BCAS3: variants seen among roughly 807,000 people sequenced by gnomAD.
The protein encoded by BCAS3 is BCAS4/BCAS3 fusion.
Under a neutral mutation model 116.1 loss-of-function variants are expected in BCAS3, and 53 were observed. The ratio of observed to expected loss-of-function variants is 0.46; its 90% confidence interval spans 0.37 to 0.57. The LOEUF (loss-of-function observed/expected upper bound fraction) is 0.57, where lower values mean the gene tolerates loss of function less well. Ranked by LOEUF, BCAS3 falls within the 20% of genes least tolerant of loss-of-function variation. BCAS3 has a pLI of 0.00. For synonymous variants in BCAS3, 391 were observed against 408.2 expected (o/e 0.96, Z 0.51); for missense variants, 917 against 1,165.4 (o/e 0.79, Z 3.10).
At chr17:61,301,223 A>C (rs1051524932) in intron 22 of BCAS3, among the ~76,000 whole-genome samples, 1 of 152,230 alleles carries the variant, frequency 6.6e-6, no homozygotes, top group African/African-American at 2.4e-5. Context: ...AGCAGAATTG[A>C]ATAGCTGGCC....
At position 61,137,949 on chromosome 17, in the gene BCAS3, C is replaced by G. The variant is rs538755801; in HGVS notation, c.2425+53385C>G. 2.6e-5 allele frequency among the ~76,000 whole-genome samples: 4 copies of G among 152,260 alleles called. 1 individual carries two copies. In the East Asian group the frequency reaches 5.8e-4, roughly 22 times the overall value. ...ATCTTTAGATCCTGATATGGTAGGA[C>G]ATGCACAATCTATTTTGAATCATCA... On this transcript the variant is annotated intron_variant, in intron 22 of 23. Transcript: ENST00000407086.
chr17:61,047,882 T>A (rs2068491077), intron 19 of BCAS3, among the ~76,000 whole-genome samples: 1 of 152,074 alleles, frequency 6.6e-6, no homozygotes, highest in Non-Finnish European at 1.5e-5. Context: ...TTGCTGACAT[T>A]AACTAGCTTT....
chr17:61,067,273 G>A (rs75305917), intron 19 of BCAS3, among the ~76,000 whole-genome samples: 1,163 of 58,576 alleles, frequency 0.02, 53 homozygotes, highest in African/African-American at 0.095. Flanking sequence ...GTGTGTATGT[G>A]TATATATATA....
rs556422619 is a variant in BCAS3 at position 60,963,595 on chromosome 17, G to A, written c.1221+16243G>A. Among the ~76,000 whole-genome samples, 12 of 139,616 alleles carry A rather than the reference G, an allele frequency of 8.6e-5. No homozygotes were observed. The East Asian group carries it at 1.2e-3, about 14-fold the overall frequency. 91.6% of individuals were successfully genotyped at this position (139,616 alleles called of 152,430 possible). On this transcript the variant is annotated intron_variant, in intron 14 of 23. Coordinates refer to ENST00000407086, the MANE Select transcript of BCAS3 (RefSeq NM_017679.5). ...TTTTGAGATGGAGTTTTGCTCTGTC[G>A]CCCAGGCTGGAGTGCAGTGGCGCAA...
At chr17:61,123,010 T>G (rs1237210897) in intron 22 of BCAS3, among the ~76,000 whole-genome samples, 1 of 151,716 alleles carries the variant, frequency 6.6e-6, no homozygotes, top group Non-Finnish European at 1.5e-5. Context: ...GGTGCGATCT[T>G]GGCTCACTGC....
intron 22 of BCAS3, among the ~76,000 whole-genome samples, chr17:61,341,589 T>G (rs2057156502): frequency 6.6e-6 from 1 of 152,194 alleles, no homozygotes; most frequent in South Asian, 2.1e-4. Context: ...CCAAGTTCAG[T>G]GCTCTTTCCA....
chr17:61,101,906 A>G (rs1212145025), intron 22 of BCAS3, among the ~76,000 whole-genome samples: 1 of 152,156 alleles, frequency 6.6e-6, no homozygotes. Flanking sequence ...ATCCATCTGC[A>G]AAACGGTGAC....
At position 60,980,005 on chromosome 17, in the gene BCAS3, C is replaced by A. The variant is rs1285795605; in HGVS notation, c.1222-9966C>A. Among the ~76,000 whole-genome samples the A allele has an allele frequency of 2.0e-5, 3 of 152,012 alleles. No individual in the cohort carries two copies. The East Asian group carries it at 5.8e-4, about 29-fold the overall frequency. ...GGCTTTGGTATCAGGATGATGCTGG[C>A]CTCATAAAATGAGTTAGGGAGGATT... is the stretch of plus-strand genomic sequence containing the variant. On this transcript the variant is annotated intron_variant, in intron 14 of 23. Transcript: ENST00000407086.
At chr17:61,159,541 G>C (rs1235180253) in intron 22 of BCAS3, 2 of 152,196 alleles carry the variant, frequency 1.3e-5, no homozygotes, top group East Asian at 3.8e-4. Context: ...TCTTCAGACA[G>C]TAATCTTGTG....
At position 61,339,781 on chromosome 17, in the gene BCAS3, G is replaced by T. The variant is rs1252932778; in HGVS notation, c.2426-28546G>T. Among the ~76,000 whole-genome samples, 3 of 149,166 alleles carry T rather than the reference G, an allele frequency of 2.0e-5. No homozygotes were observed. Among genetic ancestry groups the T allele is most frequent in the South Asian group, 2.1e-4 (1 of 4,692 alleles). On this transcript the variant is annotated intron_variant, in intron 22 of 23. Transcript: ENST00000407086. The surrounding 1 kb of genome is among the most constrained non-coding windows in gnomAD (Gnocchi z 4.4). The stretch of plus-strand genomic sequence containing the variant: ...ACCCCATCTAAAAAAAAAAAAAAAA[G>T]ACCAAGGAGATGAGTGGAAGAGCCA...
chr17:61,152,050 T>C (rs2077569780), intron 22 of BCAS3, among the ~76,000 whole-genome samples: 1 of 152,182 alleles, frequency 6.6e-6, no homozygotes, highest in Non-Finnish European at 1.5e-5. Context: ...GGTGGGTTCA[T>C]GGTCTCGCTG....
At chr17:61,329,334 A>AT (rs1275462148) in intron 22 of BCAS3, among the ~76,000 whole-genome samples, 5 of 103,876 alleles carry the variant, frequency 4.8e-5, no homozygotes, top group Non-Finnish European at 9.5e-5. Context: ...TGTTATTATT[A>AT]TTATTATTAT....
rs190010217 is a variant in BCAS3, at chr17:61,179,080, G to A, written c.2425+94516G>A. Reference sequence around the variant, plus strand: ...AAATTGGGCCGTCAGCCTAACATTAGCATTTTTTATTAAAAAAAAATACTC... The same window carrying A: ...AAATTGGGCCGTCAGCCTAACATTAACATTTTTTATTAAAAAAAAATACTC... On this transcript the variant is annotated intron_variant, in intron 22 of 23. Transcript: ENST00000407086. 6.8e-4 allele frequency among the ~76,000 whole-genome samples: 103 copies of A among 151,922 alleles called. 1 individual carries two copies. The highest frequency in any genetic ancestry group is 9.4e-4 in the Non-Finnish European group (64 of 67,968).
chr17:61,193,968 T>G (rs919287254), intron 22 of BCAS3, among the ~76,000 whole-genome samples: 1 of 149,746 alleles, frequency 6.7e-6, no homozygotes, highest in African/African-American at 2.5e-5. Context: ...AACACAAAAA[T>G]TTGCCGGGCC....
intron 11 of BCAS3, among the ~76,000 whole-genome samples, chr17:60,904,404 AAAAC>A (rs202152626): frequency 0.22 from 33,718 of 151,550 alleles, 4,788 homozygotes; most frequent in African/African-American, 0.41. Flanking sequence ...ACTCTGTCTC[AAAAC>A]AAACAAACAA....
intron 7 of BCAS3, among the ~76,000 whole-genome samples, chr17:60,859,215 TG>T (rs2053946296): frequency 6.6e-6 from 1 of 152,176 alleles, no homozygotes; most frequent in African/African-American, 2.4e-5. Context: ...TTTTAGGTTC[TG>T]GGGGTACGTG....
chr17:60,873,966 G>C (rs1393525791), intron 8 of BCAS3, among the ~76,000 whole-genome samples: 1 of 151,258 alleles, frequency 6.6e-6, no homozygotes, highest in Non-Finnish European at 1.5e-5. Flanking sequence ...AGCCTCTTGA[G>C]TAGCTGGGAT....
intron 4 of BCAS3, among the ~76,000 whole-genome samples, chr17:60,699,052 C>T (rs559212804): frequency 3.3e-5 from 5 of 151,932 alleles, no homozygotes; most frequent in East Asian, 3.9e-4. Flanking sequence ...AGCGAGACTC[C>T]GTCTCAAAGA....
At chr17:60,702,424 C>T (rs910648692) in intron 4 of BCAS3, among the ~76,000 whole-genome samples, 1 of 152,004 alleles carries the variant, frequency 6.6e-6, no homozygotes, top group African/African-American at 2.4e-5. Flanking sequence ...TATGAAGTGC[C>T]CACTAGTGAT....
Sources: allele counts gnomAD v4.1 joint callset (sites outside exome capture counted in the v4.1 genomes callset), GRCh38; gene constraint gnomAD v4.1.1; non-coding constraint Gnocchi (gnomAD v3.1); transcripts MANE v1.5; gene names NCBI Gene and HGNC (gene_info 2026-07-23, HGNC 2026-07-21).